Variants in DXO observed in about 807,000 individuals in gnomAD.
DXO encodes the protein decapping exoribonuclease.
A neutral mutation model predicts 39.8 loss-of-function variants in DXO; 42 were observed. That is an observed-to-expected ratio of 1.06 (90% CI 0.83 to 1.37). DXO has a LOEUF of 1.37. DXO is among the 40% of genes most tolerant of loss of function. The pLI, the probability that DXO is intolerant of heterozygous loss-of-function variation, is 0.00. For missense variants in DXO, 495 were observed against 513.0 expected (o/e 0.96, Z 0.34); for synonymous variants, 193 against 200.4 (o/e 0.96, Z 0.31).
In DXO at chr6:31,969,933, C is replaced by T; in HGVS notation, c.1135G>A (p.Val379Met). ...APYAFLPIWY[V>M]EAMTQDLPSP... ...GGGAGGTCCTGAGTCATAGCTTCCA[C>T]ATACCATATGGGCAGGAAGGCGTAA... The change falls in exon 7 of 7, where the codon GTG (valine) becomes ATG (methionine). Residue 379 changes from valine (V) to methionine (M), a missense_variant. Coordinates refer to ENST00000337523, the MANE Select transcript of DXO (RefSeq NM_005510.4). The surrounding 1 kb of genome is among the most constrained non-coding windows in gnomAD (Gnocchi z 6.1). 6.2e-7 allele frequency: 1 copy of T among 1,614,112 alleles called. No individual in the cohort carries two copies. Among genetic ancestry groups the T allele is most frequent in the Non-Finnish European group, 8.5e-7 (1 of 1,180,020 alleles).
At position 31,972,003 on chromosome 6, in the gene DXO, A is replaced by G; in HGVS notation, c.-81T>C. On this transcript the variant is annotated 5_prime_UTR_variant, in exon 1 of 7. Coordinates refer to ENST00000337523, the MANE Select transcript of DXO (RefSeq NM_005510.4). The surrounding 1 kb of genome is among the most constrained non-coding windows in gnomAD (Gnocchi z 6.3). Reference sequence around the variant, plus strand: ...GCACGCCAGAGGCCGAAGGATGCAAAAGTGGTTTTCTGCTTTCGATGATGC... The same window carrying G: ...GCACGCCAGAGGCCGAAGGATGCAAGAGTGGTTTTCTGCTTTCGATGATGC... 1 of 1,603,378 alleles carries G rather than the reference A, an allele frequency of 6.2e-7. No individual in the cohort carries two copies. Among genetic ancestry groups the G allele is most frequent in the Non-Finnish European group, 8.5e-7 (1 of 1,171,770 alleles).
Position 31,969,843 on chromosome 6 carries a change from C to G in DXO, c.*34G>C. 3 of 1,613,878 alleles carry G rather than the reference C, an allele frequency of 1.9e-6. No homozygotes were observed. The highest frequency in any genetic ancestry group is 2.5e-6 in the Non-Finnish European group (3 of 1,179,870). On this transcript the variant is annotated 3_prime_UTR_variant, in exon 7 of 7. Transcript: ENST00000337523. This position sits in a 1 kb window ranked among gnomAD's most constrained non-coding sequence, Gnocchi z 6.1. ...TAGAAATATGCTTTTATTATCTGCA[C>G]ACAGAGATATGACTGCCTCCCTCTA...
At position 31,969,921 on chromosome 6, in the gene DXO, T is replaced by TC; in HGVS notation, c.1146dup (p.Thr383AspfsTer19). ...TTGGGGGGTGATGGGAGGTCCTGAG[T>TC]CATAGCTTCCACATACCATATGGGC... On this transcript the variant is annotated frameshift_variant, in exon 7 of 7. Transcript: ENST00000337523. LOFTEE classifies it high-confidence loss of function. This position sits in a 1 kb window ranked among gnomAD's most constrained non-coding sequence, Gnocchi z 6.1. 1 of 1,613,786 alleles carries TC rather than the reference T, an allele frequency of 6.2e-7. No individual in the cohort carries two copies. The highest frequency in any genetic ancestry group is 8.5e-7 in the Non-Finnish European group (1 of 1,179,940).
In DXO at chr6:31,970,591, AC is replaced by A. The variant is rs776653085; in HGVS notation, c.812+14del. 9 of 1,612,228 alleles carry A rather than the reference AC, an allele frequency of 5.6e-6. No individual in the cohort carries two copies. In the East Asian group the frequency reaches 2.0e-4, roughly 36 times the overall value. On this transcript the variant is annotated intron_variant, in intron 4 of 6. Coordinates refer to ENST00000337523, the MANE Select transcript of DXO (RefSeq NM_005510.4). This position sits in a 1 kb window ranked among gnomAD's most constrained non-coding sequence, Gnocchi z 4.0. ...TCAAGCCTAAGCTCTCGCCCTGCCCACCCCGATCCTGAACCTGTAGAAACTC... is the reference window on the plus strand; with the variant it reads ...TCAAGCCTAAGCTCTCGCCCTGCCCACCCGATCCTGAACCTGTAGAAACTC...
rs921956286 is a variant in DXO at position 31,969,895 on chromosome 6, C to T, written c.1173G>A (p.Lys391=). The change falls in exon 7 of 7, where the codon AAG becomes AAA. Residue 391 remains lysine (K), a synonymous_variant. Coordinates refer to ENST00000337523, the MANE Select transcript of DXO (RefSeq NM_005510.4). This position sits in a 1 kb window ranked among gnomAD's most constrained non-coding sequence, Gnocchi z 6.1. ...AMTQDLPSPP[K]TPSPK ...AGCATTACTATTTGGGAGAGGGAGT[C>T]TTGGGGGGTGATGGGAGGTCCTGAG... 2.5e-6 allele frequency: 4 copies of T among 1,613,958 alleles called. No homozygotes were observed. The highest frequency in any genetic ancestry group is 3.3e-5 in the Admixed American group (2 of 59,990).
chr6:31,970,853 C>CT lies in DXO; in HGVS notation c.593-29_593-28insA. On this transcript the variant is annotated intron_variant, in intron 3 of 6. Coordinates refer to ENST00000337523, the MANE Select transcript of DXO (RefSeq NM_005510.4). This position sits in a 1 kb window ranked among gnomAD's most constrained non-coding sequence, Gnocchi z 4.0. ...GCACAAGGAGAGAAGCAGCAGCAGGCGTGGGGGGCTCTCAACCTCTGGGAA... is the reference window on the plus strand; with the variant it reads ...GCACAAGGAGAGAAGCAGCAGCAGGCTGTGGGGGGCTCTCAACCTCTGGGAA... The CT allele has an allele frequency of 6.2e-7, 1 of 1,611,936 alleles. No individual in the cohort carries two copies. The highest frequency in any genetic ancestry group is 2.2e-5 in the East Asian group (1 of 44,858).
Position 31,971,983 on chromosome 6 carries a change from C to A in DXO, c.-61G>T. On this transcript the variant is annotated 5_prime_UTR_variant, in exon 1 of 7. Coordinates refer to ENST00000337523, the MANE Select transcript of DXO (RefSeq NM_005510.4). This position sits in a 1 kb window ranked among gnomAD's most constrained non-coding sequence, Gnocchi z 4.5. ...GAGCTATGACGTCATGGCAGGCACG[C>A]CAGAGGCCGAAGGATGCAAAAGTGG... is the stretch of plus-strand genomic sequence containing the variant. The A allele has an allele frequency of 6.3e-7, 1 of 1,591,088 alleles. No individual in the cohort carries two copies. Among genetic ancestry groups the A allele is most frequent in the South Asian group, 1.1e-5 (1 of 88,772 alleles).
Position 31,970,674 on chromosome 6 carries a change from T to C in DXO, c.744A>G (p.Pro248=), listed in dbSNP as rs35337578. The part of the protein sequence containing the change: ...TDPQAPSTQP[P]TCYVELKTSK... ...AGGTCTTGAGCTCCACATAGCAGGT[T>C]GGGGGCTGTGTGGATGGGGCTTGGG... The change falls in exon 4 of 7, where the codon CCA becomes CCG. Residue 248 remains proline (P), a synonymous_variant. Transcript: ENST00000337523. This position sits in a 1 kb window ranked among gnomAD's most constrained non-coding sequence, Gnocchi z 4.0. 0.087 allele frequency: 140,690 copies of C among 1,612,802 alleles called. 7,142 individuals carry two copies. Among genetic ancestry groups the C allele is most frequent in the African/African-American group, 0.14 (10,865 of 74,934 alleles).
At position 31,970,635 on chromosome 6, in the gene DXO, G is replaced by T. The variant is rs17207867; in HGVS notation, c.783C>A (p.His261Gln). 140,505 of 1,613,134 alleles carry T rather than the reference G, an allele frequency of 0.087. 7,112 individuals are homozygous for T. Among genetic ancestry groups the T allele is most frequent in the African/African-American group, 0.14 (10,771 of 74,980 alleles). ...AGAAACTCCTCCATTGGCCAGGGCT[G>T]TGCATCTCCTTGGAGGTCTTGAGCT... Reference protein sequence around the residue: ...YVELKTSKEMHSPGQWRSFYR... With the variant: ...YVELKTSKEMQSPGQWRSFYR... The change falls in exon 4 of 7, where the codon CAC (histidine) becomes CAA (glutamine). Residue 261 changes from histidine to glutamine, a missense_variant. His to Gln is a conservative substitution (Grantham distance 24, BLOSUM62 0). Coordinates refer to ENST00000337523, the MANE Select transcript of DXO (RefSeq NM_005510.4). This position sits in a 1 kb window ranked among gnomAD's most constrained non-coding sequence, Gnocchi z 4.0.
At position 31,971,376 on chromosome 6, in the gene DXO, C is replaced by T. The variant is rs1386368746; in HGVS notation, c.300G>A (p.Gln100=). 1 of 1,575,344 alleles carries T rather than the reference C, an allele frequency of 6.3e-7. No individual in the cohort carries two copies. Among genetic ancestry groups the T allele is most frequent in the Admixed American group, 1.8e-5 (1 of 56,694 alleles). ...AGCACAGCAGGTGGTCCAGCCTTTCCTGGACCTCCTCGTCCCGGGGCTGGT... is the reference window on the plus strand; with the variant it reads ...AGCACAGCAGGTGGTCCAGCCTTTCTTGGACCTCCTCGTCCCGGGGCTGGT... ...DRYQPRDEEV[Q]ERLDHLLCWL... Residue 100 remains glutamine, a synonymous_variant, in exon 2 of 7, where the codon CAG becomes CAA. Coordinates refer to ENST00000337523, the MANE Select transcript of DXO (RefSeq NM_005510.4). The surrounding 1 kb of genome is among the most constrained non-coding windows in gnomAD (Gnocchi z 4.5).
Position 31,969,829 on chromosome 6 carries a change from T to G in DXO, c.*48A>C. ...GCGAGAGAACCTCTTAGAAATATGC[T>G]TTTATTATCTGCACACAGAGATATG... On this transcript the variant is annotated 3_prime_UTR_variant, in exon 7 of 7. Transcript: ENST00000337523. This position sits in a 1 kb window ranked among gnomAD's most constrained non-coding sequence, Gnocchi z 6.1. The G allele has an allele frequency of 6.2e-7, 1 of 1,613,042 alleles. No homozygotes were observed. Among genetic ancestry groups the G allele is most frequent in the South Asian group, 1.1e-5 (1 of 91,004 alleles).
In DXO at chr6:31,971,084, C is replaced by A; in HGVS notation, c.420G>T (p.Thr140=). The change falls in exon 3 of 7, where the codon ACG becomes ACT. Residue 140 remains threonine (T), a synonymous_variant. Transcript: ENST00000337523. This position sits in a 1 kb window ranked among gnomAD's most constrained non-coding sequence, Gnocchi z 4.5. The part of the protein sequence containing the change: ...TWRGHLTKLL[T]TPYERQEGWQ... ...AGCCCTCCTGCCGCTCATACGGTGTCGTCAGCAGTTTTGTCAGGTGCCCCC... is the reference window on the plus strand; with the variant it reads ...AGCCCTCCTGCCGCTCATACGGTGTAGTCAGCAGTTTTGTCAGGTGCCCCC... The A allele has an allele frequency of 6.2e-7, 1 of 1,612,910 alleles. No individual in the cohort carries two copies. The highest frequency in any genetic ancestry group is 1.7e-4 in the Middle Eastern group (1 of 6,060).
In DXO at chr6:31,970,066, G is replaced by A. The variant is rs758662746; in HGVS notation, c.1044-42C>T. 5.0e-6 allele frequency: 8 copies of A among 1,614,024 alleles called. No homozygotes were observed. The highest frequency in any genetic ancestry group is 6.8e-6 in the Non-Finnish European group (8 of 1,180,006). On this transcript the variant is annotated intron_variant, in intron 6 of 6. Transcript: ENST00000337523. The surrounding 1 kb of genome is among the most constrained non-coding windows in gnomAD (Gnocchi z 4.0). ...GGCATCAGTTGAGGGCCAGAGGCTG[G>A]ATCCTGGGATCCAGAGGGGAGGGAC...
At position 31,971,080 on chromosome 6, in the gene DXO, G is replaced by A. The variant is rs35529997; in HGVS notation, c.424C>T (p.Pro142Ser). The change falls in exon 3 of 7, where the codon CCG becomes TCG. Residue 142 changes from proline to serine, a missense_variant. Physicochemically the swap from Pro to Ser is moderately conservative, Grantham distance 74 (BLOSUM62 -1). Transcript: ENST00000337523. This position sits in a 1 kb window ranked among gnomAD's most constrained non-coding sequence, Gnocchi z 4.5. ...RGHLTKLLTT[P>S]YERQEGWQLA... ...TGCCAGCCCTCCTGCCGCTCATACG[G>A]TGTCGTCAGCAGTTTTGTCAGGTGC... 5 of 1,612,844 alleles carry A rather than the reference G, an allele frequency of 3.1e-6. No homozygotes were observed. The African/African-American group carries it at 5.3e-5, about 17-fold the overall frequency.
At position 31,970,779 on chromosome 6, in the gene DXO, G is replaced by C. The variant is rs749816912; in HGVS notation, c.639C>G (p.Asn213Lys). ...SPDPSGEVNT[N>K]VAFCSVLRSR... Reference sequence around the variant, plus strand: ...TGCGTAGCACAGAGCAGAAGGCCACGTTGGTGTTAACCTCCCCAGAGGGGT... The same window carrying C: ...TGCGTAGCACAGAGCAGAAGGCCACCTTGGTGTTAACCTCCCCAGAGGGGT... Residue 213 changes from asparagine to lysine, a missense_variant, in exon 4 of 7, where the codon AAC becomes AAG. Physicochemically the swap from Asn to Lys is moderately conservative, Grantham distance 94 (BLOSUM62 0). Coordinates refer to ENST00000337523, the MANE Select transcript of DXO (RefSeq NM_005510.4). This position sits in a 1 kb window ranked among gnomAD's most constrained non-coding sequence, Gnocchi z 4.0. 1 of 1,612,860 alleles carries C rather than the reference G, an allele frequency of 6.2e-7. No individual in the cohort carries two copies. The highest frequency in any genetic ancestry group is 8.5e-7 in the Non-Finnish European group (1 of 1,179,988).
chr6:31,971,274 G>T lies in DXO; in HGVS notation c.356+46C>A. 1.3e-6 allele frequency: 2 copies of T among 1,537,728 alleles called. No homozygotes were observed. The highest frequency in any genetic ancestry group is 1.8e-6 in the Non-Finnish European group (2 of 1,141,596). On this transcript the variant is annotated intron_variant, in intron 2 of 6. Coordinates refer to ENST00000337523, the MANE Select transcript of DXO (RefSeq NM_005510.4). The surrounding 1 kb of genome is among the most constrained non-coding windows in gnomAD (Gnocchi z 4.5). ...GGCTTTGGCTCTCCTAATTTTAGAG[G>T]GTAGGTACGGGTCTCCAGATATACT...
Position 31,970,934 on chromosome 6 carries a change from T to G in DXO, c.570A>C (p.Lys190Asn). Reference protein sequence around the residue: ...LLRELMYMGYKFEQYMCADKP... With the variant: ...LLRELMYMGYNFEQYMCADKP... ...CACCTGCACACATGTACTGCTCAAA[T>G]TTGTATCCCATGTACATAAGCTCCC... Residue 190 changes from lysine (K) to asparagine (N), a missense_variant, in exon 3 of 7, where the codon AAA (lysine) becomes AAC (asparagine). Lys to Asn is a moderately conservative substitution (Grantham distance 94). Coordinates refer to ENST00000337523, the MANE Select transcript of DXO (RefSeq NM_005510.4). This position sits in a 1 kb window ranked among gnomAD's most constrained non-coding sequence, Gnocchi z 4.0. The G allele has an allele frequency of 6.2e-7, 1 of 1,612,802 alleles. No homozygotes were observed.
Position 31,971,386 on chromosome 6 carries a change from T to G in DXO, c.290A>C (p.Glu97Ala). Residue 97 changes from glutamate (E) to alanine (A), a missense_variant, in exon 2 of 7, where the codon GAG (glutamate) becomes GCG (alanine). Coordinates refer to ENST00000337523, the MANE Select transcript of DXO (RefSeq NM_005510.4). The surrounding 1 kb of genome is among the most constrained non-coding windows in gnomAD (Gnocchi z 4.5). Reference protein sequence around the residue: ...GYPDRYQPRDEEVQERLDHLL... With the variant: ...GYPDRYQPRDAEVQERLDHLL... ...GTGGTCCAGCCTTTCCTGGACCTCC[T>G]CGTCCCGGGGCTGGTATCGATCCGG... 1 of 1,582,512 alleles carries G rather than the reference T, an allele frequency of 6.3e-7. No individual in the cohort carries two copies. Among genetic ancestry groups the G allele is most frequent in the Non-Finnish European group, 8.6e-7 (1 of 1,161,246 alleles).
In DXO at chr6:31,969,906, A is replaced by T; in HGVS notation, c.1162T>A (p.Ser388Thr). Reference protein sequence around the residue: ...YVEAMTQDLPSPPKTPSPK With the variant: ...YVEAMTQDLPTPPKTPSPK ...TTGGGAGAGGGAGTCTTGGGGGGTGATGGGAGGTCCTGAGTCATAGCTTCC... is the reference window on the plus strand; with the variant it reads ...TTGGGAGAGGGAGTCTTGGGGGGTGTTGGGAGGTCCTGAGTCATAGCTTCC... Residue 388 changes from serine (S) to threonine (T), a missense_variant, in exon 7 of 7, where the codon TCA (serine) becomes ACA (threonine). Physicochemically the swap from Ser to Thr is moderately conservative, Grantham distance 58. Coordinates refer to ENST00000337523, the MANE Select transcript of DXO (RefSeq NM_005510.4). This position sits in a 1 kb window ranked among gnomAD's most constrained non-coding sequence, Gnocchi z 6.1. 1 of 1,613,990 alleles carries T rather than the reference A, an allele frequency of 6.2e-7. No individual in the cohort carries two copies. The highest frequency in any genetic ancestry group is 8.5e-7 in the Non-Finnish European group (1 of 1,179,982).
Sources: allele counts gnomAD v4.1 joint callset, GRCh38; gene constraint gnomAD v4.1.1; non-coding constraint Gnocchi (gnomAD v3.1); transcripts MANE v1.5; gene names NCBI Gene and HGNC (gene_info 2026-07-23, HGNC 2026-07-21).